EPHA3: variants seen among roughly 807,000 people sequenced by gnomAD.
The protein encoded by EPHA3 is EPH receptor A3.
Under a neutral mutation model 107.1 loss-of-function variants are expected in EPHA3, and 42 were observed. The observed-to-expected ratio is 0.39, with a 90% CI of 0.31 to 0.51. EPHA3 has a LOEUF of 0.51. Among genes scored for constraint, EPHA3 ranks in the 20% least tolerant of loss-of-function variants. EPHA3 has a pLI of 0.78. For synonymous variants in EPHA3, 461 were observed against 424.8 expected (o/e 1.09, Z -1.05); for missense variants, 1,183 against 1,211.2 (o/e 0.98, Z 0.35).
At chr3:89,172,636 G>A (rs1705235793) in intron 2 of EPHA3, among the ~76,000 whole-genome samples, 1 of 152,116 alleles carries the variant, frequency 6.6e-6, no homozygotes. Context: ...AAAATAACTG[G>A]AAAAATAGCT....
At chr3:89,302,979 A>G (rs1706526487) in intron 3 of EPHA3, among the ~76,000 whole-genome samples, 1 of 152,040 alleles carries the variant, frequency 6.6e-6, no homozygotes, top group Non-Finnish European at 1.5e-5. Flanking sequence ...AGCAACCTTG[A>G]CGCCCTGAGC....
intron 3 of EPHA3, among the ~76,000 whole-genome samples, chr3:89,217,604 C>T (rs999960987): frequency 1.3e-5 from 2 of 152,114 alleles, no homozygotes; most frequent in Non-Finnish European, 2.9e-5. Context: ...ATAAACCCCA[C>T]ATAATCCACC....
At chr3:89,182,790 A>T (rs1705472463) in intron 2 of EPHA3, among the ~76,000 whole-genome samples, 1 of 151,896 alleles carries the variant, frequency 6.6e-6, no homozygotes, top group Non-Finnish European at 1.5e-5. Context: ...GGGAACTATG[A>T]TGTCTCTCAC....
At chr3:89,343,237 A>T (rs1385306773) in intron 5 of EPHA3, among the ~76,000 whole-genome samples, 2 of 152,202 alleles carry the variant, frequency 1.3e-5, no homozygotes, top group Admixed American at 1.3e-4. Flanking sequence ...CACCTGGCTT[A>T]CTCAGAAAGG....
At chr3:89,109,968 A>G (rs1707062694) in intron 1 of EPHA3, among the ~76,000 whole-genome samples, 1 of 152,012 alleles carries the variant, frequency 6.6e-6, no homozygotes, top group African/African-American at 2.4e-5. Context: ...AATATTATCC[A>G]TAGCTGGGCT....
chr3:89,243,179 A>T (rs1194799911), intron 3 of EPHA3, among the ~76,000 whole-genome samples: 1 of 151,972 alleles, frequency 6.6e-6, no homozygotes, highest in East Asian at 1.9e-4. Flanking sequence ...GTTGGTTCCA[A>T]GTCTTTGCTA....
intron 15 of EPHA3, 122 bp downstream of exon 15, chr3:89,450,492 A>G (rs549508746): frequency 1.2e-6 from 1 of 837,380 alleles, no homozygotes; most frequent in South Asian, 2.0e-5. Flanking sequence ...CCACCATATT[A>G]GAGAGATGTA....
At chr3:89,379,588 G>A (rs114079300) in intron 5 of EPHA3, among the ~76,000 whole-genome samples, 1,665 of 152,108 alleles carry the variant, frequency 0.011, 28 homozygotes, top group African/African-American at 0.038. Flanking sequence ...TCACTTTTTC[G>A]TATTATATTT....
chr3:89,223,122 A>G (rs1248227937), intron 3 of EPHA3, among the ~76,000 whole-genome samples: 3 of 152,190 alleles, frequency 2.0e-5, no homozygotes, highest in Non-Finnish European at 2.9e-5. Context: ...TTCATTGTTT[A>G]TACTTGTTAT....
At chr3:89,292,082 T>C (rs1330081216) in intron 3 of EPHA3, among the ~76,000 whole-genome samples, 1 of 152,118 alleles carries the variant, frequency 6.6e-6, no homozygotes, top group Non-Finnish European at 1.5e-5. Flanking sequence ...AAAGACACTA[T>C]AATTCCTTCC....
chr3:89,410,548 T>C (rs1355615560), intron 9 of EPHA3, among the ~76,000 whole-genome samples: 2 of 152,030 alleles, frequency 1.3e-5, no homozygotes, highest in South Asian at 2.1e-4. Context: ...TTTTACCTTA[T>C]GCTTAAAGTA....
intron 2 of EPHA3, 121 bp from the exon 3 acceptor site, chr3:89,209,739 C>G (rs1706222034): frequency 1.2e-6 from 1 of 845,554 alleles, no homozygotes; most frequent in African/African-American, 1.7e-5. Context: ...AAACTACAAA[C>G]AAGAATGTTT....
intron 7 of EPHA3, 79 bp downstream of exon 7, chr3:89,399,559 T>C: frequency 5.1e-6 from 8 of 1,566,458 alleles, no homozygotes; most frequent in Non-Finnish European, 6.1e-6. Context: ...TCTCACTGTT[T>C]CTAAGTTTTA....
chr3:89,207,486 T>C (rs1050967023), intron 2 of EPHA3, among the ~76,000 whole-genome samples: 5 of 152,158 alleles, frequency 3.3e-5, no homozygotes, highest in Non-Finnish European at 4.4e-5. Flanking sequence ...AAAATATTCG[T>C]ACAGATGAAT....
chr3:89,266,960 T>TA (rs945998546), intron 3 of EPHA3, among the ~76,000 whole-genome samples: 1 of 151,984 alleles, frequency 6.6e-6, no homozygotes, highest in Non-Finnish European at 1.5e-5. Context: ...GTCAATGACT[T>TA]AAAAAAAATT....
intron 13 of EPHA3, among the ~76,000 whole-genome samples, chr3:89,447,451 C>T (rs1007044317): frequency 1.3e-5 from 2 of 152,178 alleles, no homozygotes; most frequent in Non-Finnish European, 2.9e-5. Flanking sequence ...TCTCCCTGAA[C>T]AGCTCATTTG....
intron 2 of EPHA3, among the ~76,000 whole-genome samples, chr3:89,138,242 A>C (rs1216262633): frequency 6.6e-6 from 1 of 151,890 alleles, no homozygotes; most frequent in Non-Finnish European, 1.5e-5. Flanking sequence ...AACTTGGGAA[A>C]TCTATTCCTG....
intron 2 of EPHA3, among the ~76,000 whole-genome samples, chr3:89,178,770 C>T (rs1705373767): frequency 6.6e-6 from 1 of 151,562 alleles, no homozygotes; most frequent in Non-Finnish European, 1.5e-5. Flanking sequence ...ATTTGTTGAG[C>T]CACAGAAGAA....
intron 3 of EPHA3, among the ~76,000 whole-genome samples, chr3:89,328,299 T>TC (rs553064824): frequency 2.0e-5 from 3 of 151,962 alleles, no homozygotes; most frequent in Non-Finnish European, 4.4e-5. Flanking sequence ...AGCAGGCAGA[T>TC]CCCCCCACAA....
Sources: gnomAD v4.1 joint callset for allele counts (sites outside exome capture counted in the v4.1 genomes callset) on GRCh38, gnomAD v4.1.1 for gene constraint, MANE v1.5 for transcripts, NCBI Gene and HGNC (gene_info 2026-07-23, HGNC 2026-07-21) for gene names.